Variants in ENTREP2 observed in about 807,000 individuals in gnomAD.
The protein encoded by ENTREP2 is endosomal transmembrane epsin interactor 2.
chr15:29,194,095 T>C, the ENTREP2 span, among the ~76,000 whole-genome samples: 1 of 152,220 alleles, frequency 6.6e-6, no homozygotes, highest in Non-Finnish European at 1.5e-5. Flanking sequence ...AGGATTCTAG[T>C]AGAAAATGCA....
chr15:29,119,062 G>A, the ENTREP2 span, among the ~76,000 whole-genome samples: 1 of 152,162 alleles, frequency 6.6e-6, no homozygotes, highest in Non-Finnish European at 1.5e-5. Context: ...GCCGCCCAGA[G>A]GGTGTGGGCC....
the ENTREP2 span, among the ~76,000 whole-genome samples, chr15:29,552,418 C>G: frequency 6.6e-6 from 1 of 152,010 alleles, no homozygotes; most frequent in Non-Finnish European, 1.5e-5. Context: ...AGAAGGGAAA[C>G]AGTACACGCA....
chr15:29,435,462 A>T, the ENTREP2 span, among the ~76,000 whole-genome samples: 1 of 152,120 alleles, frequency 6.6e-6, no homozygotes, highest in Non-Finnish European at 1.5e-5. Flanking sequence ...TGCTTGGGGC[A>T]AATTTTCAGC....
the ENTREP2 span, among the ~76,000 whole-genome samples, chr15:29,660,798 C>T: frequency 6.6e-6 from 1 of 152,080 alleles, no homozygotes; most frequent in African/African-American, 2.4e-5. Flanking sequence ...TGCGTGGGTC[C>T]ACTTCTATGA....
At chr15:29,559,035 A>T in the ENTREP2 span, among the ~76,000 whole-genome samples, 3 of 152,066 alleles carry the variant, frequency 2.0e-5, no homozygotes, top group African/African-American at 7.2e-5. Context: ...CTGCAGAGGG[A>T]GTCAGTGCCC....
the ENTREP2 span, chr15:29,234,333 G>A: frequency 5.0e-6 from 8 of 1,599,924 alleles, no homozygotes; most frequent in African/African-American, 1.1e-4. Context: ...TAACTAATGA[G>A]AATCTCTTGA....
the ENTREP2 span, among the ~76,000 whole-genome samples, chr15:29,297,170 T>C: frequency 6.6e-6 from 1 of 152,178 alleles, no homozygotes; most frequent in Admixed American, 6.5e-5. Flanking sequence ...CTCAGCCGTA[T>C]CACATTTACA....
chr15:29,541,543 T>C, the ENTREP2 span, among the ~76,000 whole-genome samples: 1 of 152,100 alleles, frequency 6.6e-6, no homozygotes, highest in Non-Finnish European at 1.5e-5. Flanking sequence ...GAGAGCCTTC[T>C]CTGAAAGGGA....
At chr15:29,268,376 A>T in the ENTREP2 span, 1 of 165,492 alleles carries the variant, frequency 6.0e-6, no homozygotes, top group Non-Finnish European at 1.3e-5. Flanking sequence ...ATAGGCAATT[A>T]TTTTTTTTAA....
At chr15:29,117,882 CAG>C in the ENTREP2 span, 2 of 150,714 alleles carry the variant, frequency 1.3e-5, no homozygotes, top group African/African-American at 5.0e-5. Context: ...AGGGCTCCCA[CAG>C]AGACAAGGAG....
chr15:29,323,916 T>C, the ENTREP2 span, among the ~76,000 whole-genome samples: 4 of 152,082 alleles, frequency 2.6e-5, no homozygotes, highest in East Asian at 1.9e-4. Flanking sequence ...AGAGTGAATA[T>C]AGAGTAGTTG....
the ENTREP2 span, among the ~76,000 whole-genome samples, chr15:29,422,866 AG>A: frequency 1.3e-5 from 2 of 152,190 alleles, no homozygotes; most frequent in Non-Finnish European, 2.9e-5. Flanking sequence ...GTAAGTATGG[AG>A]AGAGTTTGGG....
At chr15:29,192,773 A>G in the ENTREP2 span, among the ~76,000 whole-genome samples, 1 of 152,206 alleles carries the variant, frequency 6.6e-6, no homozygotes, top group Non-Finnish European at 1.5e-5. Flanking sequence ...AAAAATGACC[A>G]AGTGGGGTTT....
At chr15:29,594,059 T>C in the ENTREP2 span, among the ~76,000 whole-genome samples, 9 of 152,116 alleles carry the variant, frequency 5.9e-5, no homozygotes, top group Non-Finnish European at 1.3e-4. Context: ...TGCACATTTT[T>C]TTTGCAACTT....
the ENTREP2 span, among the ~76,000 whole-genome samples, chr15:29,148,783 A>C: frequency 6.6e-6 from 1 of 152,090 alleles, no homozygotes; most frequent in Admixed American, 6.6e-5. Context: ...TAAGACATGA[A>C]TCTAACAACC....
chr15:29,243,357 A>G, the ENTREP2 span, among the ~76,000 whole-genome samples: 1 of 152,198 alleles, frequency 6.6e-6, no homozygotes, highest in African/African-American at 2.4e-5. Flanking sequence ...GCAAAAAACC[A>G]AAAAGTCTAA....
At chr15:29,166,792 T>A in the ENTREP2 span, among the ~76,000 whole-genome samples, 768 of 152,156 alleles carry the variant, frequency 5.0e-3, 7 homozygotes, top group African/African-American at 0.018. Flanking sequence ...AATACCACCA[T>A]CATTCTTCAC....
the ENTREP2 span, among the ~76,000 whole-genome samples, chr15:29,416,666 G>A: frequency 6.6e-6 from 1 of 151,970 alleles, no homozygotes; most frequent in Non-Finnish European, 1.5e-5. Flanking sequence ...TTAAACTAAA[G>A]AGCTTCTGCA....
chr15:29,617,399 T>C, the ENTREP2 span, among the ~76,000 whole-genome samples: 2 of 152,196 alleles, frequency 1.3e-5, no homozygotes, highest in Non-Finnish European at 2.9e-5. Context: ...CCACCCACAT[T>C]GGTGAGGGTG....
Sources: allele counts gnomAD v4.1 joint callset (sites outside exome capture counted in the v4.1 genomes callset), GRCh38; gene constraint gnomAD v4.1.1; transcripts MANE v1.5; gene names NCBI Gene and HGNC (gene_info 2026-07-23, HGNC 2026-07-21).